ATP7A: variants seen among roughly 807,000 people sequenced by gnomAD.
ATP7A encodes ATPase copper transporting alpha, also known as copper-transporting ATPase 1.
A neutral mutation model predicts 83.5 loss-of-function variants in ATP7A; 7 were observed. The ratio of observed to expected loss-of-function variants is 0.08; its 90% CI spans 0.05 to 0.16. ATP7A has a LOEUF of 0.16. ATP7A is among the 10% of genes least tolerant of loss of function. The pLI is 1.00. For missense variants in ATP7A, 940 were observed against 1,120.8 expected, an observed-to-expected ratio of 0.84 and a Z score of 2.30; for synonymous variants, 354 against 395.2, an observed-to-expected ratio of 0.90 and a Z score of 1.24.
At chrX:77,976,122 A>T (rs5959962) in intron 2 of ATP7A, among the ~76,000 whole-genome samples, 5,923 of 111,843 alleles carry the variant, frequency 0.053, 400 homozygotes, top group African/African-American at 0.18. Context: ...CCAGGAGCAG[A>T]TGTTAATATC....
chrX:77,993,776 T>G (rs1301623598), intron 4 of ATP7A, among the ~76,000 whole-genome samples: 1 of 111,447 alleles, frequency 9.0e-6, no homozygotes, highest in Admixed American at 9.6e-5. Context: ...ATAAAGAGCA[T>G]CTAGTTTTGT....
intron 1 of ATP7A, chrX:77,965,327 A>C: frequency 3.4e-6 from 1 of 297,806 alleles, no homozygotes; most frequent in Non-Finnish European, 6.5e-6. Flanking sequence ...CAACAACAAC[A>C]ACAAAATAAC....
At chrX:77,944,834 GTATTTATT>G (rs376448530) in intron 1 of ATP7A, among the ~76,000 whole-genome samples, 16 of 107,375 alleles carry the variant, frequency 1.5e-4, no homozygotes, top group East Asian at 2.9e-4. Context: ...ATGTATGTGT[GTATTTATT>G]TATTTATTTA....
chrX:78,039,575 C>G (rs1398023767), intron 18 of ATP7A, among the ~76,000 whole-genome samples: 1 of 111,405 alleles, frequency 9.0e-6, no homozygotes, highest in Non-Finnish European at 1.9e-5. Context: ...CTCAGGTGAT[C>G]CACCCACTTC....
In ATP7A at chrX:77,971,686, G is replaced by A; in HGVS notation, c.45G>A (p.Glu15=). 8.3e-7 allele frequency: 1 copy of A among 1,210,333 alleles called. No individual in the cohort carries two copies. Among genetic ancestry groups the A allele is most frequent in the Admixed American group, 2.2e-5 (1 of 46,012 alleles). Residue 15 remains glutamate (E), a synonymous_variant, in exon 2 of 23, where the codon GAG becomes GAA. Coordinates refer to ENST00000341514, the MANE Select transcript of ATP7A (RefSeq NM_000052.7). ...TGAATTCTGTTACCATTTCTGTTGAGGGTATGACTTGCAATTCCTGTGTTT... is the reference window on the plus strand; with the variant it reads ...TGAATTCTGTTACCATTTCTGTTGAAGGTATGACTTGCAATTCCTGTGTTT... The part of the protein sequence containing the change: ...MGVNSVTISV[E]GMTCNSCVWT...
intron 12 of ATP7A, among the ~76,000 whole-genome samples, chrX:78,017,693 ATCTC>A (rs2077875968): frequency 9.4e-6 from 1 of 106,834 alleles, no homozygotes; most frequent in Non-Finnish European, 1.9e-5. Flanking sequence ...ATCATAAATC[ATCTC>A]TCTCAAGCTC....
At chrX:77,981,310 G>A (rs1176752956) in intron 2 of ATP7A, among the ~76,000 whole-genome samples, 1 of 111,087 alleles carries the variant, frequency 9.0e-6, no homozygotes, top group East Asian at 2.8e-4. Flanking sequence ...TGAAGATGTC[G>A]AGTCAGCTTC....
At chrX:78,030,472 C>T (rs1422437290) in intron 15 of ATP7A, among the ~76,000 whole-genome samples, 3 of 110,404 alleles carry the variant, frequency 2.7e-5, no homozygotes, top group Non-Finnish European at 3.8e-5. Flanking sequence ...CCTATATGCC[C>T]TTTACTGCAG....
chrX:78,020,994 T>C lies in ATP7A; in HGVS notation c.2831T>C (p.Phe944Ser), dbSNP rs2077902236. The C allele has an allele frequency of 8.3e-7, 1 of 1,207,079 alleles. No individual in the cohort carries two copies. Residue 944 changes from phenylalanine (F) to serine (S), a missense_variant, in exon 14 of 23, where the codon TTT becomes TCT. Physicochemically the swap from Phe to Ser is radical, Grantham distance 155. Around this residue, in one of 3 missense-constraint regions of ATP7A, gnomAD observed 386 missense variants for 502.2 expected, o/e 0.77. Transcript: ENST00000341514. ...AAACTCAGTGGCTATTTTGTTCCTT[T>C]TATTGTTTTTGTTTCCATTGCCACC... is the stretch of plus-strand genomic sequence containing the variant. ...ADKLSGYFVP[F>S]IVFVSIATLL... is the part of the protein sequence containing the mutation.
rs2078077936 is a variant in ATP7A, at chrX:78,045,558, T to C, written c.4212T>C (p.Ser1404=). The part of the protein sequence containing the change: ...AASSVSVVLS[S]LFLKLYRKPT... Reference sequence around the variant, plus strand: ...CATCTGTTTCTGTAGTACTTTCTTCTCTCTTCCTTAAACTGTAAGTATGAT... The same window carrying C: ...CATCTGTTTCTGTAGTACTTTCTTCCCTCTTCCTTAAACTGTAAGTATGAT... The change falls in exon 22 of 23, where the codon TCT becomes TCC. Residue 1404 remains serine, a synonymous_variant. Transcript: ENST00000341514. The C allele has an allele frequency of 1.7e-6, 2 of 1,203,486 alleles. No homozygotes were observed. Among genetic ancestry groups the C allele is most frequent in the Non-Finnish European group, 2.2e-6 (2 of 888,956 alleles).
intron 1 of ATP7A, among the ~76,000 whole-genome samples, chrX:77,949,169 C>T (rs781994839): frequency 1.8e-5 from 2 of 111,907 alleles, no homozygotes; most frequent in East Asian, 2.8e-4. Context: ...GGATTACAGG[C>T]GTGAGCCACT....
At chrX:77,950,626 G>A (rs1387793896) in intron 1 of ATP7A, among the ~76,000 whole-genome samples, 1 of 111,013 alleles carries the variant, frequency 9.0e-6, no homozygotes, top group Non-Finnish European at 1.9e-5. Flanking sequence ...TATTAGTGAG[G>A]TGCAGTAACT....
intron 2 of ATP7A, among the ~76,000 whole-genome samples, chrX:77,980,309 G>A (rs1224908412): frequency 2.7e-5 from 3 of 110,405 alleles, no homozygotes; most frequent in East Asian, 2.9e-4. Context: ...TTAGTTGGGC[G>A]TGGTGTCGCG....
rs782411760 is a variant in ATP7A at position 78,034,936 on chromosome X, G to C, written c.3511+1115G>C. ...TTTTTGTATTTTTAGTAGAGATGGG[G>C]TTTCACCATGTTAGCCAGGATGGTC... On this transcript the variant is annotated intron_variant, in intron 17 of 22. Transcript: ENST00000341514. Among the ~76,000 whole-genome samples the C allele has an allele frequency of 8.4e-4, 92 of 109,496 alleles. 1 individual carries two copies. Among genetic ancestry groups the C allele is most frequent in the African/African-American group, 2.6e-3 (78 of 30,017 alleles).
At position 77,989,412 on chromosome X, in the gene ATP7A, G is replaced by T. The variant is rs1557231773; in HGVS notation, c.790G>T (p.Glu264Ter). ...RLKNTPVKSS[E>*]GSQQRSPSYT... ...AAAGAACACACCAGTTAAATCCTCA[G>T]AAGGGTCACAGCAAAGGAGTCCATC... The change falls in exon 4 of 23, where the codon GAA becomes TAA. Residue 264 changes from glutamate to a stop codon, truncating the protein, a stop_gained. Transcript: ENST00000341514. LOFTEE classifies it high-confidence loss of function. 8.3e-7 allele frequency: 1 copy of T among 1,211,599 alleles called. No homozygotes were observed. The highest frequency in any genetic ancestry group is 1.1e-6 in the Non-Finnish European group (1 of 895,340).
Position 78,009,251 on chromosome X carries a change from C to G in ATP7A, c.1857C>G (p.Ile619Met), listed in dbSNP as rs782818837. ...DPEIIGPRDI[I>M]HTIESLGFEA... ...AAATTATTGGTCCTAGAGATATTAT[C>G]CATACAATTGAAGTAAGTGCCAAGA... Residue 619 changes from isoleucine (I) to methionine (M), a missense_variant, in exon 7 of 23, where the codon ATC (isoleucine) becomes ATG (methionine). Ile to Met is a conservative substitution (Grantham distance 10, BLOSUM62 1). Coordinates refer to ENST00000341514, the MANE Select transcript of ATP7A (RefSeq NM_000052.7). 2.5e-6 allele frequency: 3 copies of G among 1,209,243 alleles called. No individual in the cohort carries two copies. Among genetic ancestry groups the G allele is most frequent in the South Asian group, 1.8e-5 (1 of 56,900 alleles).
intron 15 of ATP7A, 97 bp from the exon 16 acceptor site, chrX:78,031,303 C>T: frequency 1.1e-6 from 1 of 869,967 alleles, no homozygotes; most frequent in Non-Finnish European, 1.7e-6. Context: ...TACTAAGAAA[C>T]TAAATAGTCA....
intron 1 of ATP7A, among the ~76,000 whole-genome samples, chrX:77,925,046 G>A (rs1557223454): frequency 1.8e-5 from 2 of 111,168 alleles, no homozygotes; most frequent in Non-Finnish European, 3.8e-5. Context: ...GGTATGGGTG[G>A]GGTTGTAGAT....
intron 14 of ATP7A, among the ~76,000 whole-genome samples, chrX:78,025,965 A>C (rs1166455390): frequency 3.6e-5 from 4 of 111,843 alleles, no homozygotes; most frequent in Non-Finnish European, 7.5e-5. Flanking sequence ...CAAAAGAATG[A>C]TACTTGCTAC....
Sources: allele counts gnomAD v4.1 joint callset (sites outside exome capture counted in the v4.1 genomes callset), GRCh38; gene constraint gnomAD v4.1.1; regional missense constraint gnomAD v4.1.1; transcripts MANE v1.5; gene names NCBI Gene and HGNC (gene_info 2026-07-23, HGNC 2026-07-21).